Variants in HESX1 observed in about 807,000 individuals in gnomAD.
HESX1 encodes HESX homeobox 1, also known as homeobox expressed in ES cells 1.
A neutral mutation model predicts 22.5 loss-of-function variants in HESX1; 11 were observed. The ratio of observed to expected loss-of-function variants is 0.49; its 90% CI spans 0.31 to 0.81. The LOEUF (loss-of-function observed/expected upper bound fraction) is 0.81. Among genes scored for constraint, HESX1 ranks in the 30% least tolerant of loss-of-function variants. The pLI, the probability that HESX1 is intolerant of heterozygous loss-of-function variation, is 0.05. For missense variants in HESX1, 201 were observed against 212.6 expected (o/e 0.95, Z 0.34); for synonymous variants, 74 against 76.5 (o/e 0.97, Z 0.17).
upstream of HESX1, among the ~76,000 whole-genome samples, chr3:57,200,600 T>C (rs934952020): frequency 1.3e-5 from 2 of 152,238 alleles, no homozygotes; most frequent in East Asian, 3.8e-4. Flanking sequence ...GATTAATTCA[T>C]AGGAACAGTT....
upstream of HESX1, among the ~76,000 whole-genome samples, chr3:57,204,421 G>A (rs2060508216): frequency 1.3e-5 from 2 of 152,192 alleles, no homozygotes; most frequent in African/African-American, 4.8e-5. Context: ...TGGATAGGGA[G>A]GTGAGGGAAA....
intron 1 of HESX1, among the ~76,000 whole-genome samples, chr3:57,220,399 T>G (rs891365530): frequency 2.0e-5 from 3 of 152,210 alleles, no homozygotes; most frequent in Non-Finnish European, 4.4e-5. Context: ...TTGAGTTTAC[T>G]TAAGACAAAG....
chr3:57,213,047 A>G (rs1339525758), intron 1 of HESX1, among the ~76,000 whole-genome samples: 5 of 151,764 alleles, frequency 3.3e-5, no homozygotes, highest in Non-Finnish European at 7.4e-5. Flanking sequence ...ACTCTCCCAT[A>G]GTGTGACACA....
In HESX1 at chr3:57,198,263, T is replaced by A; in HGVS notation, c.492A>T (p.Lys164Asn). Residue 164 changes from lysine (K) to asparagine (N), a missense_variant, in exon 4 of 4, where the codon AAA becomes AAT. By Grantham distance (94) the Lys-to-Asn change is moderately conservative. Coordinates refer to ENST00000295934, the MANE Select transcript of HESX1 (RefSeq NM_003865.3). ...GAAACTGTGATTCTCTATGGGACCT[T>A]TTCAGTTTTGCACGCCGATTTTGAA... ...IWFQNRRAKL[K>N]RSHRESQFLM... is the part of the protein sequence containing the mutation. The A allele has an allele frequency of 6.2e-7, 1 of 1,613,524 alleles. No homozygotes were observed. The highest frequency in any genetic ancestry group is 1.1e-5 in the South Asian group (1 of 91,008).
chr3:57,222,126 A>C (rs918325479), intron 1 of HESX1, among the ~76,000 whole-genome samples: 2 of 152,142 alleles, frequency 1.3e-5, no homozygotes, highest in Non-Finnish European at 2.9e-5. Context: ...TATCCCTGAG[A>C]GTCTTATTTG....
At chr3:57,212,557 C>CAAAAAAAAAAAAAAAAA (rs56093005) in intron 1 of HESX1, among the ~76,000 whole-genome samples, 14 of 80,112 alleles carry the variant, frequency 1.7e-4, no homozygotes, top group African/African-American at 7.1e-4. Flanking sequence ...GACTCTGTCT[C>CAAAAAAAAAAAAAAAAA]AAAAAAAAAA....
At chr3:57,215,275 T>C (rs962107243) in intron 1 of HESX1, among the ~76,000 whole-genome samples, 1 of 152,170 alleles carries the variant, frequency 6.6e-6, no homozygotes, top group Non-Finnish European at 1.5e-5. Flanking sequence ...GCAGCTATCA[T>C]GGTTACCAAT....
chr3:57,200,679 T>C (rs1422363713), upstream of HESX1, among the ~76,000 whole-genome samples: 1 of 152,220 alleles, frequency 6.6e-6, no homozygotes, highest in Non-Finnish European at 1.5e-5. Context: ...ATGAGAGAGA[T>C]ACATGTTTAT....
chr3:57,219,810 T>C (rs911642581), intron 1 of HESX1, among the ~76,000 whole-genome samples: 3 of 152,200 alleles, frequency 2.0e-5, no homozygotes, highest in Admixed American at 2.0e-4. Flanking sequence ...TCTGTTGATA[T>C]TTTCTTTTGC....
intron 1 of HESX1, among the ~76,000 whole-genome samples, chr3:57,208,789 A>G (rs2060534535): frequency 2.0e-5 from 3 of 151,252 alleles, no homozygotes; most frequent in Non-Finnish European, 4.4e-5. Context: ...GGTGAAGCCC[A>G]GTCTCTACTA....
At chr3:57,207,975 C>T (rs910726233) in intron 1 of HESX1, among the ~76,000 whole-genome samples, 1 of 152,164 alleles carries the variant, frequency 6.6e-6, no homozygotes. Flanking sequence ...TAAGGTTGGG[C>T]ATTAATTTCT....
chr3:57,208,450 G>A (rs2060532562), intron 1 of HESX1, among the ~76,000 whole-genome samples: 1 of 151,854 alleles, frequency 6.6e-6, no homozygotes, highest in African/African-American at 2.4e-5. Context: ...GGGTTCAAGC[G>A]ATTCTCCTGC....
chr3:57,208,489 G>A (rs769519042), intron 1 of HESX1, among the ~76,000 whole-genome samples: 1 of 151,848 alleles, frequency 6.6e-6, no homozygotes, highest in African/African-American at 2.4e-5. Context: ...AGGGATTACA[G>A]GCGTGTGCTA....
chr3:57,218,749 A>T (rs1193287305), intron 1 of HESX1, among the ~76,000 whole-genome samples: 1 of 151,676 alleles, frequency 6.6e-6, no homozygotes, highest in Non-Finnish European at 1.5e-5. Flanking sequence ...AGCCAATCTT[A>T]CTCTTTTTTA....
At chr3:57,214,910 G>A (rs2060575265) in intron 1 of HESX1, among the ~76,000 whole-genome samples, 1 of 152,046 alleles carries the variant, frequency 6.6e-6, no homozygotes, top group Non-Finnish European at 1.5e-5. Flanking sequence ...AGATGAAGGA[G>A]GGTTTATCAG....
intron 1 of HESX1, among the ~76,000 whole-genome samples, chr3:57,217,771 G>A (rs34111738): frequency 1.2e-3 from 177 of 152,146 alleles, no homozygotes; most frequent in Non-Finnish European, 1.8e-3. Flanking sequence ...CATCACGCTT[G>A]GGCTCCAAAC....
At chr3:57,211,972 A>G (rs772039351) in intron 1 of HESX1, among the ~76,000 whole-genome samples, 4 of 152,160 alleles carry the variant, frequency 2.6e-5, no homozygotes, top group Non-Finnish European at 4.4e-5. Context: ...AGTGATTACA[A>G]GGTTCAGGAG....
At chr3:57,200,945 T>C (rs762091375), upstream of HESX1, among the ~76,000 whole-genome samples, 5 of 152,234 alleles carry the variant, frequency 3.3e-5, no homozygotes, top group Non-Finnish European at 7.3e-5. Context: ...AAAGTATAAC[T>C]GCTGATTGGG....
At chr3:57,201,540 A>G (rs1246761557), upstream of HESX1, among the ~76,000 whole-genome samples, 4 of 151,438 alleles carry the variant, frequency 2.6e-5, no homozygotes, top group African/African-American at 7.3e-5. Flanking sequence ...GCCTTCATAG[A>G]GCTCACAGTG....
Sources: gnomAD v4.1 joint callset for allele counts (sites outside exome capture counted in the v4.1 genomes callset) on GRCh38, gnomAD v4.1.1 for gene constraint, MANE v1.5 for transcripts, NCBI Gene and HGNC (gene_info 2026-07-23, HGNC 2026-07-21) for gene names.